CPT1C: variants seen among roughly 807,000 people sequenced by gnomAD.
CPT1C encodes palmitoyl thioesterase CPT1C.
In CPT1C, 61 loss-of-function variants were observed where a neutral mutation model predicts 97.3. That is an observed-to-expected ratio of 0.63 (90% confidence interval 0.51 to 0.78). The LOEUF (loss-of-function observed/expected upper bound fraction) is 0.78. Ranked by LOEUF, CPT1C falls within the 30% of genes least tolerant of loss-of-function variation. The pLI, the probability that CPT1C is intolerant of heterozygous loss-of-function variation, is 0.00. For synonymous variants in CPT1C, 469 were observed against 447.2 expected (o/e 1.05, Z -0.61); for missense variants, 975 against 1,065.5 (o/e 0.92, Z 1.18).
rs2082731053 is a variant in CPT1C at position 49,697,425 on chromosome 19, T to C, written c.241T>C (p.Leu81=). 4 of 1,614,148 alleles carry C rather than the reference T, an allele frequency of 2.5e-6. No homozygotes were observed. Among genetic ancestry groups the C allele is most frequent in the Non-Finnish European group, 3.4e-6 (4 of 1,180,038 alleles). Residue 81 remains leucine, a synonymous_variant, in exon 4 of 20, where the codon TTA becomes CTA. Transcript: ENST00000598293. ...CTGGTTCCTCCAGCTGGATCCTTCC[T>C]TAGGACTGATGGAGAAGATCAAAGA... The part of the protein sequence containing the change: ...LAWFLQLDPS[L]GLMEKIKELL...
chr19:49,703,617 CTTCT>C (rs2123376155), intron 7 of CPT1C, among the ~76,000 whole-genome samples: 1 of 122,976 alleles, frequency 8.1e-6, no homozygotes, highest in South Asian at 3.2e-4. Context: ...TCCTTCCTTC[CTTCT>C]CTCTTTCTCT....
chr19:49,700,933 C>T lies in CPT1C; in HGVS notation c.453+78C>T, dbSNP rs539403954. 4.8e-5 allele frequency: 71 copies of T among 1,483,416 alleles called. No individual in the cohort carries two copies. The African/African-American group carries it at 7.8e-4, about 16-fold the overall frequency. 91.9% of individuals were successfully genotyped at this position (1,483,416 alleles called of 1,614,324 possible). A position where few individuals can be genotyped will look rare whatever the true frequency, so the allele number is the denominator to read the frequency against. On this transcript the variant is annotated intron_variant, in intron 5 of 19. Coordinates refer to ENST00000598293, the MANE Select transcript of CPT1C (RefSeq NM_001199753.2). The stretch of plus-strand genomic sequence containing the variant: ...TCCCCTCTCTCTGGGTCTCTGTCCC[C>T]CTCTCTCTGGGTCTCTGTCCCTCTC...
chr19:49,697,213 A>T, intron 3 of CPT1C, 113 bp from the exon 4 acceptor site: 1 of 1,357,040 alleles, frequency 7.4e-7, no homozygotes, highest in East Asian at 2.3e-5. Flanking sequence ...CTAGATCTTG[A>T]GCCTCCAGCT....
At chr19:49,692,472 T>C (rs2082410483) in intron 3 of CPT1C, 79 bp downstream of exon 3, 1 of 1,534,922 alleles carries the variant, frequency 6.5e-7, no homozygotes. Flanking sequence ...ACTTCCGGCA[T>C]TTCAGCTGGT....
At chr19:49,695,048 G>A (rs1232439921) in intron 3 of CPT1C, among the ~76,000 whole-genome samples, 2 of 151,866 alleles carry the variant, frequency 1.3e-5, no homozygotes, top group Non-Finnish European at 2.9e-5. Flanking sequence ...GGCTGAGGCA[G>A]GAGAATGGCG....
At chr19:49,697,786 G>A in intron 4 of CPT1C, 1 of 230,308 alleles carries the variant, frequency 4.3e-6, no homozygotes, top group Non-Finnish European at 8.5e-6. Context: ...GGTGGCTCAT[G>A]CCTGTAATCC....
At chr19:49,709,371 C>T (rs963968650) in intron 14 of CPT1C, among the ~76,000 whole-genome samples, 1 of 151,754 alleles carries the variant, frequency 6.6e-6, no homozygotes, top group African/African-American at 2.4e-5. Context: ...ATCCCGTACT[C>T]AGCCACAACC....
chr19:49,701,200 G>A lies in CPT1C; in HGVS notation c.454-117G>A, dbSNP rs368780343. The A allele has an allele frequency of 5.8e-4, 474 of 813,138 alleles. No individual in the cohort carries two copies. In the African/African-American group the frequency reaches 7.2e-3, roughly 12 times the overall value. The allele number at this position is 813,138 out of a possible 1,614,324, so 50.4% of individuals were successfully genotyped here. ...TGTTCCTTTCTCTCTTGGGGTCTCC[G>A]ATGCTCTTAAGTCTCTGTGTCCTTC... On this transcript the variant is annotated intron_variant, in intron 5 of 19. Coordinates refer to ENST00000598293, the MANE Select transcript of CPT1C (RefSeq NM_001199753.2).
At chr19:49,712,697 G>C (rs202162302) in intron 17 of CPT1C, 39 bp from the exon 18 acceptor site, 2 of 1,486,606 alleles carry the variant, frequency 1.3e-6, no homozygotes, top group Admixed American at 1.7e-5. Flanking sequence ...CGGAACTGCA[G>C]ATCTCTGTCC....
chr19:49,700,660 C>T (rs559905370), intron 4 of CPT1C, 24 bp from the exon 5 acceptor site: 18 of 1,601,772 alleles, frequency 1.1e-5, no homozygotes, highest in Middle Eastern at 1.8e-4. Context: ...GACCCAGGCC[C>T]AGCCTCTGTT....
intron 4 of CPT1C, among the ~76,000 whole-genome samples, chr19:49,699,886 G>T (rs2082900351): frequency 6.6e-6 from 1 of 151,982 alleles, no homozygotes; most frequent in African/African-American, 2.4e-5. Flanking sequence ...CCCAGGAGAT[G>T]GAGGTTGCAG....
chr19:49,706,138 A>G lies in CPT1C; in HGVS notation c.1160+34A>G. On this transcript the variant is annotated intron_variant, in intron 11 of 19. Coordinates refer to ENST00000598293, the MANE Select transcript of CPT1C (RefSeq NM_001199753.2). This position sits in a 1 kb window ranked among gnomAD's most constrained non-coding sequence, Gnocchi z 4.8. ...CAGGGGTCAGGGGTCAGGGGCTCTC[A>G]GAGGCCGCCAGTGTCCTGAGACTGT... is the stretch of plus-strand genomic sequence containing the variant. The G allele has an allele frequency of 1.3e-6, 2 of 1,589,544 alleles. No individual in the cohort carries two copies. Among genetic ancestry groups the G allele is most frequent in the Non-Finnish European group, 1.7e-6 (2 of 1,166,554 alleles).
At chr19:49,709,140 C>T (rs2083689503) in intron 14 of CPT1C, among the ~76,000 whole-genome samples, 1 of 151,422 alleles carries the variant, frequency 6.6e-6, no homozygotes, top group Admixed American at 6.6e-5. Flanking sequence ...CAGCACCAAC[C>T]CCTACTCCAT....
rs1157901237 is a variant in CPT1C, at chr19:49,706,800, C to G, written c.1343+387C>G. 1.3e-5 allele frequency among the ~76,000 whole-genome samples: 2 copies of G among 152,078 alleles called. No homozygotes were observed. The highest frequency in any genetic ancestry group is 2.9e-5 in the Non-Finnish European group (2 of 68,026). On this transcript the variant is annotated intron_variant, in intron 12 of 19. Coordinates refer to ENST00000598293, the MANE Select transcript of CPT1C (RefSeq NM_001199753.2). This position sits in a 1 kb window ranked among gnomAD's most constrained non-coding sequence, Gnocchi z 4.8. ...GGCAACCTCAGCCTCAGAACTTGAA[C>G]CATTCAATCCTCAGGCCTTAATGCA...
intron 19 of CPT1C, 72 bp downstream of exon 19, chr19:49,713,136 C>T (rs189901691): frequency 1.5e-6 from 2 of 1,329,048 alleles, no homozygotes; most frequent in Admixed American, 1.7e-5. Context: ...CCAGCCCCTC[C>T]TCCCTCAGAC....
At chr19:49,700,267 A>C (rs570666596) in intron 4 of CPT1C, among the ~76,000 whole-genome samples, 188 of 151,206 alleles carry the variant, frequency 1.2e-3, no homozygotes, top group African/African-American at 2.5e-3. Flanking sequence ...CAAAACAAAA[A>C]AAAAAACGCT....
At chr19:49,708,883 C>G (rs765918731) in intron 14 of CPT1C, 44 bp downstream of exon 14, 1 of 1,246,950 alleles carries the variant, frequency 8.0e-7, no homozygotes, top group South Asian at 1.2e-5. Flanking sequence ...CCCAAGATTC[C>G]TAGCCTTGAC....
chr19:49,713,270 C>G (rs1022370105), intron 19 of CPT1C, 150 bp from the exon 20 acceptor site: 1 of 796,246 alleles, frequency 1.3e-6, no homozygotes, highest in Admixed American at 2.8e-5. Flanking sequence ...GGAGTCCAGG[C>G]CCCCAGCCCC....
intron 2 of CPT1C, 97 bp downstream of exon 2, chr19:49,691,986 G>A (rs1424386185): frequency 8.6e-6 from 4 of 465,426 alleles, no homozygotes; most frequent in Non-Finnish European, 1.5e-5. Context: ...GGAGGGGCTG[G>A]GGCCTGGGCT....
Sources: allele counts gnomAD v4.1 joint callset (sites outside exome capture counted in the v4.1 genomes callset), GRCh38; gene constraint gnomAD v4.1.1; non-coding constraint Gnocchi (gnomAD v3.1); transcripts MANE v1.5; gene names NCBI Gene and HGNC (gene_info 2026-07-23, HGNC 2026-07-21).